TMEM266: variants seen among roughly 807,000 people sequenced by gnomAD.
The protein encoded by TMEM266 is Hv1 related protein 1.
TMEM266 carries 33 observed loss-of-function variants against 50.5 expected under a neutral mutation model. The observed-to-expected ratio is 0.65, with a 90% confidence interval of 0.50 to 0.87. The LOEUF is 0.87. Ranked by LOEUF, TMEM266 falls within the 40% of genes least tolerant of loss-of-function variation. TMEM266 has a pLI of 0.00. For missense variants in TMEM266, 655 were observed against 695.1 expected (o/e 0.94, Z 0.65); for synonymous variants, 310 against 292.3 (o/e 1.06, Z -0.62).
At chr15:76,108,058 G>A (rs2142008965) in intron 1 of TMEM266, among the ~76,000 whole-genome samples, 1 of 152,330 alleles carries the variant, frequency 6.6e-6, no homozygotes, top group Admixed American at 6.5e-5. Flanking sequence ...CAGAGCAGCT[G>A]AGCCTGGCTA....
At chr15:76,101,877 T>C (rs1386953618) in intron 1 of TMEM266, among the ~76,000 whole-genome samples, 1 of 152,240 alleles carries the variant, frequency 6.6e-6, no homozygotes, top group Middle Eastern at 3.4e-3. Flanking sequence ...CTTGATATGC[T>C]TCAAGGACTG....
intron 1 of TMEM266, among the ~76,000 whole-genome samples, chr15:76,071,307 G>A (rs2036536091): frequency 1.3e-5 from 2 of 152,152 alleles, no homozygotes; most frequent in African/African-American, 4.8e-5. Flanking sequence ...TTCTGCAGAG[G>A]AACAGCTAGG....
At chr15:76,180,607 CTTTT>C (rs59287886) in intron 8 of TMEM266, among the ~76,000 whole-genome samples, 1 of 63,182 alleles carries the variant, frequency 1.6e-5, no homozygotes, top group East Asian at 5.8e-4. Context: ...TCATCTTAAG[CTTTT>C]TTTTTTTTTT....
rs770864618 is a variant in TMEM266 at position 76,160,721 on chromosome 15, C to T, written c.456+553C>T. ...AAAGATGTGCCTCTCAGTGTGAGTG[C>T]GAGGCTGTATTTCCGAGGTGGGGGC... On this transcript the variant is annotated intron_variant, in intron 5 of 10. Coordinates refer to ENST00000388942, the MANE Select transcript of TMEM266 (RefSeq NM_152335.3). The surrounding 1 kb of genome is among the most constrained non-coding windows in gnomAD (Gnocchi z 5.7). 6.6e-6 allele frequency among the ~76,000 whole-genome samples: 1 copy of T among 152,094 alleles called. No individual in the cohort carries two copies. The highest frequency in any genetic ancestry group is 2.4e-5 in the African/African-American group (1 of 41,424).
intron 1 of TMEM266, among the ~76,000 whole-genome samples, chr15:76,083,998 A>G (rs1253995459): frequency 2.0e-5 from 3 of 152,152 alleles, no homozygotes; most frequent in Non-Finnish European, 4.4e-5. Context: ...GGGGTGATGT[A>G]ATCAGTAACA....
chr15:76,133,326 C>T lies in TMEM266; in HGVS notation c.-96-842C>T, dbSNP rs2037542063. On this transcript the variant is annotated intron_variant, in intron 1 of 10. Coordinates refer to ENST00000388942, the MANE Select transcript of TMEM266 (RefSeq NM_152335.3). ...TGGTGCATCCCTGTAACCCCAGCTA[C>T]TTTGGGAGGCTGAGGCAGGAGAATC... is the stretch of plus-strand genomic sequence containing the variant. 2.6e-5 allele frequency among the ~76,000 whole-genome samples: 4 copies of T among 151,960 alleles called. No homozygotes were observed. The South Asian group carries it at 8.3e-4, about 32-fold the overall frequency.
intron 3 of TMEM266, among the ~76,000 whole-genome samples, chr15:76,142,320 C>T (rs1432375736): frequency 5.3e-5 from 8 of 152,138 alleles, no homozygotes; most frequent in African/African-American, 1.4e-4. Context: ...ACCTGGGAGG[C>T]GGAGGTTGCA....
rs2038793457 is a variant in TMEM266, at chr15:76,203,968, G to A, written c.1249G>A (p.Glu417Lys). Reference sequence around the variant, plus strand: ...CATGGACTGCAGCACTGCCCGCGAGGAGCCGTCCTCTGAGCCCGGCCCTTC... The same window carrying A: ...CATGGACTGCAGCACTGCCCGCGAGAAGCCGTCCTCTGAGCCCGGCCCTTC... Residue 417 changes from glutamate (E) to lysine (K), a missense_variant, in exon 11 of 11, where the codon GAG (glutamate) becomes AAG (lysine). Around this residue, in one of 3 missense-constraint regions of TMEM266, gnomAD observed 455 missense variants for 401.8 expected, o/e 1.13. Transcript: ENST00000388942. 1.2e-6 allele frequency: 2 copies of A among 1,611,252 alleles called. No homozygotes were observed. The highest frequency in any genetic ancestry group is 1.3e-5 in the African/African-American group (1 of 74,870).
At chr15:76,203,660 C>A (rs1011066895) in intron 10 of TMEM266, 81 bp from the exon 11 acceptor site, 1 of 1,370,476 alleles carries the variant, frequency 7.3e-7, no homozygotes, top group African/African-American at 1.4e-5. Flanking sequence ...TTGCCCACCG[C>A]CCGGCTCAGA....
At position 76,120,204 on chromosome 15, in the gene TMEM266, C is replaced by T. The variant is rs562765543; in HGVS notation, c.-96-13964C>T. Among the ~76,000 whole-genome samples the T allele has an allele frequency of 4.1e-4, 62 of 150,370 alleles. No individual in the cohort carries two copies. In the South Asian group the frequency reaches 6.3e-3, roughly 15 times the overall value. On this transcript the variant is annotated intron_variant, in intron 1 of 10. Transcript: ENST00000388942. ...AGAATGTTTCTAATAGCACTTTTCACGGTGGCCAAAAAAAAAAATCTAAAA... is the reference window on the plus strand; with the variant it reads ...AGAATGTTTCTAATAGCACTTTTCATGGTGGCCAAAAAAAAAAATCTAAAA...
rs202140844 is a variant in TMEM266, at chr15:76,192,024, C to T, written c.825C>T (p.Ala275=). ...LAAEREAALQ[A]PHVLSQPRSR... is the part of the protein sequence containing the mutation. Reference sequence around the variant, plus strand: ...CGCAGCAGGACCTGGACCTGGCTGCCGAGCGCGAAGCGGCGCTCCAGGCCC... The same window carrying T: ...CGCAGCAGGACCTGGACCTGGCTGCTGAGCGCGAAGCGGCGCTCCAGGCCC... Residue 275 remains alanine (A), a synonymous_variant, in exon 9 of 11, where the codon GCC becomes GCT. Coordinates refer to ENST00000388942, the MANE Select transcript of TMEM266 (RefSeq NM_152335.3). 1.3e-5 allele frequency: 20 copies of T among 1,571,854 alleles called. No individual in the cohort carries two copies. Among genetic ancestry groups the T allele is most frequent in the East Asian group, 2.5e-5 (1 of 40,364 alleles).
chr15:76,159,392 G>A (rs1031897520), intron 4 of TMEM266, among the ~76,000 whole-genome samples: 43 of 152,316 alleles, frequency 2.8e-4, no homozygotes, highest in African/African-American at 9.6e-4. Flanking sequence ...AAGGTGGGGC[G>A]GGAACCCTCA....
At position 76,204,015 on chromosome 15, in the gene TMEM266, G is replaced by A; in HGVS notation, c.1296G>A (p.Gln432=). The A allele has an allele frequency of 1.2e-6, 2 of 1,609,078 alleles. No homozygotes were observed. The highest frequency in any genetic ancestry group is 1.7e-6 in the Non-Finnish European group (2 of 1,176,284). Residue 432 remains glutamine (Q), a synonymous_variant, in exon 11 of 11, where the codon CAG becomes CAA. Transcript: ENST00000388942. ...CTTCTCCCCCGCCGCTGCCATCCCA[G>A]CAGCAGGTGGAGGAGGCCACAGTCC...
intron 4 of TMEM266, 126 bp downstream of exon 4, chr15:76,156,884 C>T (rs2037935916): frequency 9.8e-7 from 1 of 1,020,888 alleles, no homozygotes; most frequent in Non-Finnish European, 1.4e-6. Flanking sequence ...TGCCCAGCCT[C>T]AGGCCCTGGG....
At chr15:76,184,333 A>G (rs547918773) in intron 8 of TMEM266, among the ~76,000 whole-genome samples, 94 of 152,392 alleles carry the variant, frequency 6.2e-4, no homozygotes, top group South Asian at 1.2e-3. Flanking sequence ...ATCAGCCATC[A>G]GAGGAATAAC....
At chr15:76,106,800 T>C (rs2142007961) in intron 1 of TMEM266, among the ~76,000 whole-genome samples, 1 of 152,338 alleles carries the variant, frequency 6.6e-6, no homozygotes, top group South Asian at 2.1e-4. Context: ...ATCAAGCTAA[T>C]TATCATATGC....
At chr15:76,113,078 G>T (rs969145409) in intron 1 of TMEM266, 1 of 152,440 alleles carries the variant, frequency 6.6e-6, no homozygotes, top group Admixed American at 6.5e-5. Context: ...CACTTTGGGA[G>T]CCCGAGGCAG....
intron 1 of TMEM266, among the ~76,000 whole-genome samples, chr15:76,114,413 G>C (rs183316983): frequency 6.6e-6 from 1 of 152,140 alleles, no homozygotes; most frequent in Non-Finnish European, 1.5e-5. Context: ...CTACCTACTC[G>C]GGAGGCTGAG....
intron 1 of TMEM266, among the ~76,000 whole-genome samples, chr15:76,071,664 T>C (rs529541207): frequency 6.6e-6 from 1 of 152,312 alleles, no homozygotes; most frequent in Non-Finnish European, 1.5e-5. Context: ...AAGGGAGAGC[T>C]GCAACCAAGT....
Sources: gnomAD v4.1 joint callset for allele counts (sites outside exome capture counted in the v4.1 genomes callset) on GRCh38, gnomAD v4.1.1 for gene constraint, gnomAD v4.1.1 regional missense constraint, Gnocchi (gnomAD v3.1) non-coding constraint, MANE v1.5 for transcripts, NCBI Gene and HGNC (gene_info 2026-07-23, HGNC 2026-07-21) for gene names.